THSD7B: variants seen among roughly 807,000 people sequenced by gnomAD.
THSD7B encodes thrombospondin type-1 domain-containing protein 7B.
A neutral mutation model predicts 213.6 loss-of-function variants in THSD7B; 138 were observed. The ratio of observed to expected loss-of-function variants is 0.65; its 90% CI spans 0.56 to 0.74. THSD7B has a LOEUF of 0.74. Among genes scored for constraint, THSD7B ranks in the 30% least tolerant of loss-of-function variants. THSD7B has a pLI of 0.00. For synonymous variants in THSD7B, 742 were observed against 687.0 expected (o/e 1.08, Z -1.25); for missense variants, 1,931 against 1,991.5 (o/e 0.97, Z 0.58).
chr2:137,283,785 G>C (rs910488829), intron 12 of THSD7B, among the ~76,000 whole-genome samples: 1 of 152,100 alleles, frequency 6.6e-6, no homozygotes, highest in Non-Finnish European at 1.5e-5. Context: ...TTGATGTGTT[G>C]CTGGATTCGG....
chr2:137,468,419 A>G (rs1393857874), intron 15 of THSD7B, among the ~76,000 whole-genome samples: 2 of 151,808 alleles, frequency 1.3e-5, no homozygotes, highest in East Asian at 2.0e-4. Context: ...GTTATTTGCT[A>G]TTGTTCTACT....
intron 9 of THSD7B, among the ~76,000 whole-genome samples, chr2:137,234,908 T>C (rs1681730970): frequency 6.6e-6 from 1 of 152,182 alleles, no homozygotes; most frequent in African/African-American, 2.4e-5. Flanking sequence ...AATACTGTTT[T>C]TGCTCTAGAA....
chr2:137,546,452 A>T lies in THSD7B; in HGVS notation c.3139-16769A>T, dbSNP rs1328484611. Among the ~76,000 whole-genome samples, 3 of 29,004 alleles carry T rather than the reference A, an allele frequency of 1.0e-4. 1 individual carries two copies. Among genetic ancestry groups the T allele is most frequent in the Admixed American group, 1.1e-3 (2 of 1,840 alleles). 19.0% of individuals were successfully genotyped at this position (29,004 alleles called of 152,430 possible). A position where few individuals can be genotyped will look rare whatever the true frequency, so the allele number is the denominator to read the frequency against. Reference sequence around the variant, plus strand: ...TATATATATTATATATATTATATATATATTATATATAATATATATATATAT... The same window carrying T: ...TATATATATTATATATATTATATATTTATTATATATAATATATATATATAT... On this transcript the variant is annotated intron_variant, in intron 15 of 27. Transcript: ENST00000409968.
intron 7 of THSD7B, among the ~76,000 whole-genome samples, chr2:137,204,326 G>A (rs1680939255): frequency 6.6e-6 from 1 of 152,114 alleles, no homozygotes; most frequent in Non-Finnish European, 1.5e-5. Context: ...TAGTCTTTCA[G>A]TTGAGAATGC....
At chr2:137,166,350 C>T (rs1680128828) in intron 6 of THSD7B, among the ~76,000 whole-genome samples, 1 of 152,298 alleles carries the variant, frequency 6.6e-6, no homozygotes, top group Admixed American at 6.5e-5. Context: ...TACTCTTAGA[C>T]AAACTCTACA....
chr2:137,276,179 C>T (rs1682866315), intron 12 of THSD7B, among the ~76,000 whole-genome samples, 153 bp downstream of exon 12: 1 of 142,386 alleles, frequency 7.0e-6, no homozygotes, highest in Admixed American at 6.9e-5. Flanking sequence ...TAGGATTTGG[C>T]ATAGTTAGCA....
chr2:137,570,954 A>AT (rs1437214989), intron 16 of THSD7B, among the ~76,000 whole-genome samples: 1 of 152,240 alleles, frequency 6.6e-6, no homozygotes, highest in Non-Finnish European at 1.5e-5. Flanking sequence ...ATTTTGAAAA[A>AT]TAATTATAAA....
intron 13 of THSD7B, among the ~76,000 whole-genome samples, chr2:137,408,685 C>T (rs1339804757): frequency 6.6e-6 from 1 of 152,098 alleles, no homozygotes; most frequent in African/African-American, 2.4e-5. Flanking sequence ...GTTGGTAAGG[C>T]TGCATTTCTT....
intron 12 of THSD7B, among the ~76,000 whole-genome samples, chr2:137,363,476 T>C (rs1685322249): frequency 1.3e-5 from 2 of 151,842 alleles, no homozygotes; most frequent in African/African-American, 2.4e-5. Flanking sequence ...ATCAACAAAA[T>C]TGATAGACTG....
chr2:137,027,870 AG>A (rs1402889232), intron 2 of THSD7B, among the ~76,000 whole-genome samples: 1 of 152,180 alleles, frequency 6.6e-6, no homozygotes, highest in Non-Finnish European at 1.5e-5. Flanking sequence ...TGTAAACTCA[AG>A]ATACTTGCTT....
At chr2:137,393,034 C>T (rs61414301) in intron 12 of THSD7B, among the ~76,000 whole-genome samples, 1 of 151,872 alleles carries the variant, frequency 6.6e-6, no homozygotes, top group East Asian at 1.9e-4. Flanking sequence ...ACCGGTCTGA[C>T]AGTAACGAGT....
intron 17 of THSD7B, among the ~76,000 whole-genome samples, chr2:137,597,152 T>C (rs974813): frequency 0.13 from 20,305 of 152,066 alleles, 1,823 homozygotes; most frequent in African/African-American, 0.25. Context: ...TAAAAATTAC[T>C]GTTGCCATGG....
In THSD7B at chr2:137,425,051, G is replaced by A. The variant is rs956567383; in HGVS notation, c.2959+13179G>A. On this transcript the variant is annotated intron_variant, in intron 14 of 27. Coordinates refer to ENST00000409968, the MANE Select transcript of THSD7B (RefSeq NM_001316349.2). Reference sequence around the variant, plus strand: ...CGCGCCACTGCACTCCAGCCTGGGCGACAGAGCAAGACTCTGTCTCAAAAA... The same window carrying A: ...CGCGCCACTGCACTCCAGCCTGGGCAACAGAGCAAGACTCTGTCTCAAAAA... Among the ~76,000 whole-genome samples, 25 of 148,160 alleles carry A rather than the reference G, an allele frequency of 1.7e-4. No individual in the cohort carries two copies. In the East Asian group the frequency reaches 4.8e-3, roughly 29 times the overall value.
chr2:136,886,032 G>A (rs1024201607), intron 2 of THSD7B, among the ~76,000 whole-genome samples: 1 of 152,106 alleles, frequency 6.6e-6, no homozygotes, highest in Non-Finnish European at 1.5e-5. Flanking sequence ...CATCCCAGAT[G>A]GTGGGAACAA....
intron 2 of THSD7B, among the ~76,000 whole-genome samples, chr2:136,959,186 G>A (rs1326358982): frequency 6.6e-6 from 1 of 152,168 alleles, no homozygotes; most frequent in Admixed American, 6.5e-5. Context: ...TAACAGTTTC[G>A]GCTAACTGGC....
intron 12 of THSD7B, among the ~76,000 whole-genome samples, chr2:137,399,896 C>A (rs902808760): frequency 2.0e-5 from 3 of 151,926 alleles, no homozygotes; most frequent in African/African-American, 7.2e-5. Flanking sequence ...TATTTATATT[C>A]TTTTCTCTTT....
chr2:137,082,713 A>G (rs1175157307), intron 3 of THSD7B, among the ~76,000 whole-genome samples: 1 of 152,046 alleles, frequency 6.6e-6, no homozygotes, highest in Non-Finnish European at 1.5e-5. Flanking sequence ...TATTGCTTAT[A>G]TCTCTAACCG....
intron 17 of THSD7B, 106 bp downstream of exon 17, chr2:137,572,662 G>C: frequency 8.0e-7 from 1 of 1,243,336 alleles, no homozygotes; most frequent in East Asian, 2.6e-5. Flanking sequence ...CTAGTAACAT[G>C]GGAAAATAAT....
chr2:137,586,438 C>T (rs552029139), intron 17 of THSD7B, among the ~76,000 whole-genome samples: 1 of 152,158 alleles, frequency 6.6e-6, no homozygotes, highest in Admixed American at 6.5e-5. Flanking sequence ...CATCGATGGT[C>T]TTTACAATTT....
Sources: allele counts gnomAD v4.1 joint callset (sites outside exome capture counted in the v4.1 genomes callset), GRCh38; gene constraint gnomAD v4.1.1; transcripts MANE v1.5; gene names NCBI Gene and HGNC (gene_info 2026-07-23, HGNC 2026-07-21).